GRID2: variants seen among roughly 807,000 people sequenced by gnomAD.
GRID2 encodes glutamate receptor ionotropic, delta-2.
A neutral mutation model predicts 114.8 loss-of-function variants in GRID2; 33 were observed. The observed-to-expected ratio is 0.29, with a 90% CI of 0.22 to 0.38. The LOEUF is 0.38. Among genes scored for constraint, GRID2 ranks in the 10% least tolerant of loss-of-function variants. The pLI is 1.00. For synonymous variants in GRID2, 505 were observed against 449.9 expected (o/e 1.12, Z -1.55); for missense variants, 1,184 against 1,257.7 (o/e 0.94, Z 0.89).
intron 8 of GRID2, among the ~76,000 whole-genome samples, chr4:93,283,882 A>T (rs1346349469): frequency 6.6e-6 from 1 of 152,056 alleles, no homozygotes; most frequent in Non-Finnish European, 1.5e-5. Flanking sequence ...TCCAAAACTT[A>T]TCTGCGGGTA....
chr4:93,232,304 TAGTA>T (rs1746243080), intron 7 of GRID2, among the ~76,000 whole-genome samples: 1 of 152,148 alleles, frequency 6.6e-6, no homozygotes, highest in African/African-American at 2.4e-5. Flanking sequence ...TATTCTATAT[TAGTA>T]AGTGAACTAA....
chr4:93,541,628 A>G (rs1365518349), intron 13 of GRID2, among the ~76,000 whole-genome samples: 4 of 152,172 alleles, frequency 2.6e-5, no homozygotes, highest in Admixed American at 1.3e-4. Flanking sequence ...CCATTTATAC[A>G]TGGTCTTGCA....
intron 8 of GRID2, among the ~76,000 whole-genome samples, chr4:93,347,335 T>C (rs912739051): frequency 9.9e-5 from 15 of 152,144 alleles, no homozygotes; most frequent in African/African-American, 3.6e-4. Flanking sequence ...TGATACACTT[T>C]TTTCCTTCAA....
At chr4:93,288,981 T>C (rs947735950) in intron 8 of GRID2, among the ~76,000 whole-genome samples, 1 of 152,254 alleles carries the variant, frequency 6.6e-6, no homozygotes, top group African/African-American at 2.4e-5. Context: ...AAGACAGGTA[T>C]AGTATTTGTT....
chr4:93,419,397 G>A (rs1221626307), intron 9 of GRID2, among the ~76,000 whole-genome samples: 1 of 151,938 alleles, frequency 6.6e-6, no homozygotes, highest in Non-Finnish European at 1.5e-5. Flanking sequence ...TTACTGCAGA[G>A]AAGGAACAAG....
intron 12 of GRID2, among the ~76,000 whole-genome samples, chr4:93,514,779 T>A (rs1418134180): frequency 6.6e-6 from 1 of 152,164 alleles, no homozygotes; most frequent in Non-Finnish European, 1.5e-5. Context: ...ATGTTGTTTA[T>A]GTAAATTCTA....
At chr4:93,250,675 T>A (rs1424951923) in intron 8 of GRID2, among the ~76,000 whole-genome samples, 1 of 146,930 alleles carries the variant, frequency 6.8e-6, no homozygotes, top group Non-Finnish European at 1.5e-5. Context: ...TTATATATTT[T>A]ATATATTATA....
chr4:92,722,049 T>C (rs1735832334), intron 2 of GRID2, among the ~76,000 whole-genome samples: 1 of 152,120 alleles, frequency 6.6e-6, no homozygotes, highest in South Asian at 2.1e-4. Flanking sequence ...GTAGCCTGAG[T>C]GATCAAAAGA....
chr4:92,936,308 A>G (rs924133001), intron 2 of GRID2, among the ~76,000 whole-genome samples: 1 of 146,544 alleles, frequency 6.8e-6, no homozygotes, highest in Admixed American at 7.4e-5. Context: ...ATGTTTGCAT[A>G]GTTTAAAAAT....
At chr4:92,402,983 G>A (rs183145258) in intron 1 of GRID2, among the ~76,000 whole-genome samples, 70 of 152,222 alleles carry the variant, frequency 4.6e-4, no homozygotes, top group Admixed American at 7.2e-4. Context: ...ATAACTTGCC[G>A]CAGCTTCTAC....
intron 2 of GRID2, among the ~76,000 whole-genome samples, chr4:92,839,147 C>T (rs1054381770): frequency 1.1e-4 from 16 of 151,994 alleles, no homozygotes; most frequent in Admixed American, 9.2e-4. Context: ...TGAAGAACTG[C>T]TCTTTGGTGC....
At position 92,688,037 on chromosome 4, in the gene GRID2, C is replaced by CCTTTTTTTTTTTTTTTTTTTTTTTTTT. The variant is rs1553916864; in HGVS notation, c.244+97751_244+97752insCTTTTTTTTTTTTTTTTTTTTTTTTTT. On this transcript the variant is annotated intron_variant, in intron 2 of 15. Transcript: ENST00000282020. ...GCCACATTGGTTGACCCTTCTTCTT[C>CCTTTTTTTTTTTTTTTTTTTTTTTTTT]TTTTTTTTTTTTTTTTTTTTTTTTT... is the stretch of plus-strand genomic sequence containing the variant. 4.1e-3 allele frequency among the ~76,000 whole-genome samples: 181 copies of CCTTTTTTTTTTTTTTTTTTTTTTTTTT among 44,670 alleles called. 24 individuals carry two copies. The highest frequency in any genetic ancestry group is 0.042 in the Middle Eastern group (2 of 48). 29.3% of individuals were successfully genotyped at this position (44,670 alleles called of 152,430 possible). A position where few individuals can be genotyped will look rare whatever the true frequency, so the allele number is the denominator to read the frequency against.
rs570308130 is a variant in GRID2, at chr4:92,796,591, A to AAT, written c.244+206316_244+206317dup. ...CTTACTAATAAATGTTCTTTTTCAGAATATATATATATTTTTCAGAGTAGG... is the reference window on the plus strand; with the variant it reads ...CTTACTAATAAATGTTCTTTTTCAGAATATATATATATATTTTTCAGAGTAGG... On this transcript the variant is annotated intron_variant, in intron 2 of 15. Transcript: ENST00000282020. Among the ~76,000 whole-genome samples the AAT allele has an allele frequency of 1.8e-3, 273 of 151,788 alleles. 2 individuals carry two copies. The highest frequency in any genetic ancestry group is 3.4e-3 in the Middle Eastern group (1 of 292).
chr4:93,368,866 G>T (rs1762595276), intron 8 of GRID2, among the ~76,000 whole-genome samples: 1 of 152,074 alleles, frequency 6.6e-6, no homozygotes, highest in Non-Finnish European at 1.5e-5. Context: ...TAGTGAGTTG[G>T]CAAGTTTTAA....
chr4:93,012,454 A>T (rs1355889040), intron 2 of GRID2, among the ~76,000 whole-genome samples: 4 of 152,046 alleles, frequency 2.6e-5, no homozygotes, highest in African/African-American at 9.7e-5. Flanking sequence ...CACCTGTACA[A>T]CAGAATTAGT....
chr4:93,140,645 G>C (rs1323013488), intron 4 of GRID2, among the ~76,000 whole-genome samples: 2 of 152,180 alleles, frequency 1.3e-5, no homozygotes, highest in Non-Finnish European at 2.9e-5. Flanking sequence ...CAAGGATACA[G>C]TGACAATAAA....
intron 8 of GRID2, among the ~76,000 whole-genome samples, chr4:93,341,386 G>A (rs940087512): frequency 2.0e-5 from 3 of 151,770 alleles, no homozygotes; most frequent in African/African-American, 7.3e-5. Flanking sequence ...GCGCAGTGGT[G>A]CAATTTTGGC....
intron 13 of GRID2, among the ~76,000 whole-genome samples, chr4:93,611,066 T>C (rs1465263259): frequency 8.0e-6 from 1 of 125,468 alleles, no homozygotes; most frequent in African/African-American, 3.4e-5. Context: ...TCAAGGAATT[T>C]ATCCATTTCT....
intron 2 of GRID2, among the ~76,000 whole-genome samples, chr4:92,641,230 A>G (rs754287851): frequency 2.0e-5 from 3 of 151,624 alleles, no homozygotes; most frequent in Non-Finnish European, 4.4e-5. Context: ...TAGACATCCT[A>G]AATATATATA....
Sources: allele counts gnomAD v4.1 joint callset (sites outside exome capture counted in the v4.1 genomes callset), GRCh38; gene constraint gnomAD v4.1.1; transcripts MANE v1.5; gene names NCBI Gene and HGNC (gene_info 2026-07-23, HGNC 2026-07-21).